Variants in CCNC observed in about 807,000 individuals in gnomAD.
CCNC encodes the protein cyclin C, also known as cyclin-C.
CCNC carries 19 observed loss-of-function variants against 50.0 expected under a neutral mutation model. The ratio of observed to expected loss-of-function variants is 0.38; its 90% confidence interval spans 0.27 to 0.56. CCNC has a LOEUF of 0.56. CCNC is among the 20% of genes least tolerant of loss of function. CCNC has a pLI of 0.72. For missense variants in CCNC, 200 were observed against 327.1 expected, an observed-to-expected ratio of 0.61 and a Z score of 3.00; for synonymous variants, 93 against 103.7, an observed-to-expected ratio of 0.90 and a Z score of 0.63.
chr6:99,556,207 A>G (rs1274507699), intron 5 of CCNC, among the ~76,000 whole-genome samples: 1 of 152,230 alleles, frequency 6.6e-6, no homozygotes, highest in Non-Finnish European at 1.5e-5. Flanking sequence ...GTGTTAAGAT[A>G]TACAAAATTT....
chr6:99,549,766 A>G lies in CCNC; in HGVS notation c.531-191T>C, dbSNP rs1022168171. On this transcript the variant is annotated intron_variant, in intron 8 of 11. Transcript: ENST00000520429. ...CATGAATGTGACAACAAATAAGCAC[A>G]TATCAATGAATAAAATTACAGCTAA... 5.3e-5 allele frequency: 23 copies of G among 430,216 alleles called. No individual in the cohort carries two copies. The South Asian group carries it at 7.1e-4, about 13-fold the overall frequency. The allele number at this position is 430,216 out of a possible 1,614,324, so 26.6% of individuals were successfully genotyped here. A position where few individuals can be genotyped will look rare whatever the true frequency, so the allele number is the denominator to read the frequency against.
intron 5 of CCNC, 145 bp downstream of exon 5, chr6:99,558,352 T>C: frequency 8.0e-7 from 1 of 1,253,296 alleles, no homozygotes. Flanking sequence ...TTTTGCCAGA[T>C]ACACTAGATA....
At chr6:99,561,325 C>T in intron 4 of CCNC, 42 bp downstream of exon 4, 1 of 1,311,054 alleles carries the variant, frequency 7.6e-7, no homozygotes, top group African/African-American at 1.5e-5. Flanking sequence ...AACCAACATA[C>T]ATTGACTACA....
At chr6:99,566,096 C>T (rs1769108336) in intron 1 of CCNC, among the ~76,000 whole-genome samples, 1 of 151,960 alleles carries the variant, frequency 6.6e-6, no homozygotes, top group African/African-American at 2.4e-5. Flanking sequence ...CTGGAGATAA[C>T]CCAAAAGTAC....
chr6:99,554,658 C>T (rs193109973), intron 5 of CCNC, among the ~76,000 whole-genome samples: 2 of 152,254 alleles, frequency 1.3e-5, no homozygotes, highest in East Asian at 1.9e-4. Flanking sequence ...CATCAATAGA[C>T]GTTTTTGTTT....
chr6:99,552,487 C>T lies in CCNC; in HGVS notation c.347-592G>A, dbSNP rs2114306873. ...GTTACTCATAAAGTAGTAGTAGTAACACATAAAGTTAGTACTCTATTATCT... is the reference window on the plus strand; with the variant it reads ...GTTACTCATAAAGTAGTAGTAGTAATACATAAAGTTAGTACTCTATTATCT... On this transcript the variant is annotated intron_variant, in intron 5 of 11. Coordinates refer to ENST00000520429, the MANE Select transcript of CCNC (RefSeq NM_005190.4). Among the ~76,000 whole-genome samples, 2 of 151,870 alleles carry T rather than the reference C, an allele frequency of 1.3e-5. 1 individual carries two copies. The highest frequency in any genetic ancestry group is 4.2e-4 in the South Asian group (2 of 4,810).
intron 9 of CCNC, among the ~76,000 whole-genome samples, chr6:99,548,552 C>T (rs908302167): frequency 6.8e-6 from 1 of 147,740 alleles, no homozygotes; most frequent in Non-Finnish European, 1.5e-5. Context: ...CAGTGGCTCA[C>T]GCCTGTAATC....
rs1445312848 is a variant in CCNC at position 99,550,106 on chromosome 6, A to T, written c.530+112T>A. 7.1e-6 allele frequency: 5 copies of T among 703,344 alleles called. No individual in the cohort carries two copies. In the East Asian group the frequency reaches 1.4e-4, roughly 20 times the overall value. The allele number at this position is 703,344 out of a possible 1,614,324, so 43.6% of individuals were successfully genotyped here. ...ACAAGTGGTATTTTGCTCAACATAAAATATCTTGGGGCAATAGTTTAATGA... is the reference window on the plus strand; with the variant it reads ...ACAAGTGGTATTTTGCTCAACATAATATATCTTGGGGCAATAGTTTAATGA... On this transcript the variant is annotated intron_variant, in intron 8 of 11. Coordinates refer to ENST00000520429, the MANE Select transcript of CCNC (RefSeq NM_005190.4).
intron 5 of CCNC, among the ~76,000 whole-genome samples, chr6:99,555,532 G>A (rs1802479651): frequency 1.3e-5 from 2 of 150,486 alleles, no homozygotes; most frequent in African/African-American, 4.8e-5. Flanking sequence ...TGAACTCCTG[G>A]GCTTAGGCAA....
chr6:99,545,107 A>G lies in CCNC; in HGVS notation c.797+5T>C. ...TGACATCAATAATTAAAGTCTACAAAGTACCTGTTTGGAGGTGGTTTTGGT... is the reference window on the plus strand; with the variant it reads ...TGACATCAATAATTAAAGTCTACAAGGTACCTGTTTGGAGGTGGTTTTGGT... On this transcript the variant is annotated splice_donor_5th_base_variant and intron_variant, in intron 11 of 11. Transcript: ENST00000520429. The G allele has an allele frequency of 7.2e-7, 1 of 1,393,750 alleles. No homozygotes were observed. Among genetic ancestry groups the G allele is most frequent in the South Asian group, 1.2e-5 (1 of 86,146 alleles). 86.3% of individuals were successfully genotyped at this position (1,393,750 alleles called of 1,614,324 possible).
chr6:99,558,337 G>T, intron 5 of CCNC, 160 bp downstream of exon 5: 2 of 1,065,406 alleles, frequency 1.9e-6, no homozygotes, highest in South Asian at 2.7e-5. Flanking sequence ...CTTTTAGCTT[G>T]ATTTTTTTGC....
intron 1 of CCNC, among the ~76,000 whole-genome samples, chr6:99,565,249 C>T (rs1769071282): frequency 6.6e-6 from 1 of 151,926 alleles, no homozygotes; most frequent in Non-Finnish European, 1.5e-5. Context: ...ATTTAAAGAT[C>T]AATATGGGGA....
chr6:99,546,311 G>T (rs1802067427), intron 10 of CCNC, 84 bp downstream of exon 10: 2 of 851,610 alleles, frequency 2.3e-6, no homozygotes, highest in Non-Finnish European at 4.0e-6. Flanking sequence ...TAGCCTGGTG[G>T]ACATCACAAG....
At chr6:99,568,453 C>T (rs1247170781) in intron 1 of CCNC, 43 bp downstream of exon 1, 1 of 1,593,310 alleles carries the variant, frequency 6.3e-7, no homozygotes, top group Non-Finnish European at 8.6e-7. Context: ...CTCACAGCTC[C>T]CCCAAAAACC....
rs994241479 is a variant in CCNC at position 99,567,184 on chromosome 6, CTTTT to C, written c.32+1308_32+1311del. 253 of 156,432 alleles carry C rather than the reference CTTTT, an allele frequency of 1.6e-3. 1 individual carries two copies. Among genetic ancestry groups the C allele is most frequent in the Non-Finnish European group, 1.8e-3 (133 of 71,906 alleles). 9.7% of individuals were successfully genotyped at this position (156,432 alleles called of 1,614,324 possible). On this transcript the variant is annotated intron_variant, in intron 1 of 11. Transcript: ENST00000520429. ...AACACTATTGAAAATAAGGCAGGATCTTTTTTTTTTAAGTTGAAAAACTGAAAAA... is the reference window on the plus strand; with the variant it reads ...AACACTATTGAAAATAAGGCAGGATCTTTTTTAAGTTGAAAAACTGAAAAA...
At position 99,542,397 on chromosome 6, in the gene CCNC, G is replaced by GA. The variant is rs1001078298; in HGVS notation, c.*1157dup. 6.6e-6 allele frequency: 1 copy of GA among 152,232 alleles called. No individual in the cohort carries two copies. The highest frequency in any genetic ancestry group is 2.4e-5 in the African/African-American group (1 of 41,456). 9.4% of individuals were successfully genotyped at this position (152,232 alleles called of 1,614,324 possible). On this transcript the variant is annotated 3_prime_UTR_variant, in exon 12 of 12. Coordinates refer to ENST00000520429, the MANE Select transcript of CCNC (RefSeq NM_005190.4). ...CAAGACACTAGTCGATACAGCTGGAGAAGTTACTTTTATTCTTGCAGTTTT... is the reference window on the plus strand; with the variant it reads ...CAAGACACTAGTCGATACAGCTGGAGAAAGTTACTTTTATTCTTGCAGTTTT...
At chr6:99,561,517 A>T in intron 3 of CCNC, 80 bp downstream of exon 3, 1 of 1,337,450 alleles carries the variant, frequency 7.5e-7, no homozygotes, top group Admixed American at 2.0e-5. Flanking sequence ...TCTATGGTAG[A>T]CACATGATTC....
At chr6:99,549,930 C>T (rs1405863704) in intron 8 of CCNC, among the ~76,000 whole-genome samples, 1 of 149,434 alleles carries the variant, frequency 6.7e-6, no homozygotes, top group Non-Finnish European at 1.5e-5. Flanking sequence ...AAAAAGTATT[C>T]TGATTACTTT....
At chr6:99,559,512 T>C (rs1006551683) in intron 4 of CCNC, among the ~76,000 whole-genome samples, 2 of 152,248 alleles carry the variant, frequency 1.3e-5, no homozygotes, top group African/African-American at 4.8e-5. Context: ...GTATGTGTAC[T>C]AATATATTTG....
Sources: allele counts gnomAD v4.1 joint callset (sites outside exome capture counted in the v4.1 genomes callset), GRCh38; gene constraint gnomAD v4.1.1; transcripts MANE v1.5; gene names NCBI Gene and HGNC (gene_info 2026-07-23, HGNC 2026-07-21).